Variants in FRMD5 observed in about 807,000 individuals in gnomAD.
FRMD5 encodes FERM domain containing 5, also known as FERM domain-containing protein 5.
FRMD5 carries 20 observed loss-of-function variants against 69.0 expected under a neutral mutation model. The ratio of observed to expected loss-of-function variants is 0.29; its 90% CI spans 0.20 to 0.42. The LOEUF (loss-of-function observed/expected upper bound fraction) is 0.42, where lower values mean the gene tolerates loss of function less well. Among genes scored for constraint, FRMD5 ranks in the 10% least tolerant of loss-of-function variants. The pLI, the probability that FRMD5 is intolerant of heterozygous loss-of-function variation, is 1.00. For synonymous variants in FRMD5, 271 were observed against 260.1 expected (o/e 1.04, Z -0.40); for missense variants, 595 against 708.6 (o/e 0.84, Z 1.82).
chr15:44,149,899 A>G (rs1421229044), intron 1 of FRMD5, among the ~76,000 whole-genome samples: 1 of 152,188 alleles, frequency 6.6e-6, no homozygotes. Context: ...AAATTGATGC[A>G]AAAATCCTCA....
At chr15:44,022,209 T>C (rs761956331) in intron 1 of FRMD5, among the ~76,000 whole-genome samples, 2 of 152,150 alleles carry the variant, frequency 1.3e-5, no homozygotes, top group Admixed American at 6.5e-5. Context: ...TGACCATGTG[T>C]ATGTACTTTA....
intron 1 of FRMD5, among the ~76,000 whole-genome samples, chr15:43,975,100 T>C (rs1595578184): frequency 1.3e-5 from 2 of 152,198 alleles, no homozygotes; most frequent in Admixed American, 6.5e-5. Flanking sequence ...CAGATTAGCT[T>C]AGCAAAAAGA....
At chr15:43,979,933 C>G (rs532078152) in intron 1 of FRMD5, among the ~76,000 whole-genome samples, 100 of 152,220 alleles carry the variant, frequency 6.6e-4, no homozygotes, top group African/African-American at 2.4e-3. Flanking sequence ...AAGAACAAAA[C>G]CAACTCTAAT....
In FRMD5 at chr15:44,195,020, C is replaced by T. The variant is rs777598897; in HGVS notation, c.35G>A (p.Ser12Asn). 2 of 1,557,176 alleles carry T rather than the reference C, an allele frequency of 1.3e-6. No homozygotes were observed. The highest frequency in any genetic ancestry group is 2.3e-5 in the South Asian group (2 of 85,378). ...LSRLMSGSSR[S>N]LEREYSCTVR... ...GGTGCAGCTGTACTCGCGCTCCAGGCTCCTGCTGCTGCCGCTCATCAACCT... is the reference window on the plus strand; with the variant it reads ...GGTGCAGCTGTACTCGCGCTCCAGGTTCCTGCTGCTGCCGCTCATCAACCT... The change falls in exon 1 of 14, where the codon AGC (serine) becomes AAC (asparagine). Residue 12 changes from serine to asparagine, a missense_variant. Physicochemically the swap from Ser to Asn is conservative, Grantham distance 46. Around this residue, in one of 5 missense-constraint regions of FRMD5, gnomAD observed 44 missense variants for 33.6 expected, o/e 1.31. Coordinates refer to ENST00000417257, the MANE Select transcript of FRMD5 (RefSeq NM_032892.5).
chr15:43,992,258 T>A (rs1181152848), intron 1 of FRMD5, among the ~76,000 whole-genome samples: 1 of 152,194 alleles, frequency 6.6e-6, no homozygotes, highest in Non-Finnish European at 1.5e-5. Context: ...GAGAATTGTC[T>A]CTATAGCAAA....
chr15:43,961,997 G>A (rs1434029674), intron 1 of FRMD5, among the ~76,000 whole-genome samples: 1 of 152,170 alleles, frequency 6.6e-6, no homozygotes, highest in Non-Finnish European at 1.5e-5. Flanking sequence ...ACTGGCATAA[G>A]ACAGGGATGC....
At chr15:43,986,989 G>C (rs1007659468) in intron 1 of FRMD5, among the ~76,000 whole-genome samples, 1 of 151,858 alleles carries the variant, frequency 6.6e-6, no homozygotes, top group African/African-American at 2.4e-5. Context: ...TGTTACTATT[G>C]CAATTGTTTT....
intron 1 of FRMD5, among the ~76,000 whole-genome samples, chr15:44,152,291 C>T (rs1318608604): frequency 6.6e-6 from 1 of 152,140 alleles, no homozygotes; most frequent in Non-Finnish European, 1.5e-5. Context: ...TTGTGTCTCC[C>T]TTCTTTTGCT....
chr15:44,013,955 C>A (rs1356494609), intron 1 of FRMD5, among the ~76,000 whole-genome samples: 2 of 149,608 alleles, frequency 1.3e-5, no homozygotes, highest in Non-Finnish European at 3.0e-5. Flanking sequence ...CCCCTGGGTT[C>A]ACACCATTCT....
At chr15:44,084,817 G>C (rs952831971) in intron 1 of FRMD5, among the ~76,000 whole-genome samples, 7 of 152,092 alleles carry the variant, frequency 4.6e-5, no homozygotes, top group African/African-American at 1.7e-4. Flanking sequence ...TATATCTCTA[G>C]TGAAAAACTG....
At chr15:44,038,507 T>C (rs1471297076) in intron 1 of FRMD5, among the ~76,000 whole-genome samples, 2 of 116,652 alleles carry the variant, frequency 1.7e-5, no homozygotes, top group African/African-American at 3.0e-5. Context: ...TTTCTGCATA[T>C]GGCTAGCCAG....
At chr15:44,104,379 T>C (rs923394299) in intron 1 of FRMD5, among the ~76,000 whole-genome samples, 3 of 152,168 alleles carry the variant, frequency 2.0e-5, no homozygotes, top group African/African-American at 7.2e-5. Flanking sequence ...TTTACATAAA[T>C]TTAGTGTAGC....
intron 1 of FRMD5, among the ~76,000 whole-genome samples, chr15:44,042,574 T>G (rs1471750246): frequency 1.3e-5 from 2 of 152,180 alleles, no homozygotes; most frequent in Non-Finnish European, 2.9e-5. Flanking sequence ...AAAAAGCTTA[T>G]CCACCACGAT....
intron 1 of FRMD5, among the ~76,000 whole-genome samples, chr15:43,951,961 ATGTGTGTGTGTGTGTGTGTTGTGTGTG>A (rs1327153631): frequency 2.9e-4 from 32 of 111,748 alleles, no homozygotes; most frequent in Admixed American, 5.7e-4. Flanking sequence ...CTGTATGTGC[ATGTGTGTGTGTGTGTGTGTTGTGTGTG>A]TGTGTGTGTG....
rs867688655 is a variant in FRMD5 at position 43,909,277 on chromosome 15, G to A, written c.427+605C>T. ...TAGCTGGGCATGGTGGTGGGCGCCC[G>A]CAGTCCCAGCTACTCAGGAGGCTGA... On this transcript the variant is annotated intron_variant, in intron 5 of 13. Coordinates refer to ENST00000417257, the MANE Select transcript of FRMD5 (RefSeq NM_032892.5). Among the ~76,000 whole-genome samples, 20 of 151,768 alleles carry A rather than the reference G, an allele frequency of 1.3e-4. 1 individual carries two copies. Among genetic ancestry groups the A allele is most frequent in the South Asian group, 8.4e-4 (4 of 4,774 alleles).
At chr15:44,030,610 T>C (rs73406760) in intron 1 of FRMD5, among the ~76,000 whole-genome samples, 8,108 of 152,210 alleles carry the variant, frequency 0.053, 731 homozygotes, top group African/African-American at 0.19. Flanking sequence ...TATGTTTCCC[T>C]TTCTGAGTCT....
intron 1 of FRMD5, among the ~76,000 whole-genome samples, chr15:44,088,074 G>C (rs1045401677): frequency 6.6e-6 from 1 of 152,122 alleles, no homozygotes; most frequent in African/African-American, 2.4e-5. Flanking sequence ...AGAGAGGAAA[G>C]ATATAGGTCC....
chr15:43,877,892 CTATT>C (rs1197767654), intron 13 of FRMD5, among the ~76,000 whole-genome samples: 1 of 152,220 alleles, frequency 6.6e-6, no homozygotes, highest in African/African-American at 2.4e-5. Context: ...CTGATCATAT[CTATT>C]AAGTCCTCAT....
intron 1 of FRMD5, among the ~76,000 whole-genome samples, chr15:44,072,009 G>A (rs1893560549): frequency 6.6e-6 from 1 of 152,026 alleles, no homozygotes; most frequent in Non-Finnish European, 1.5e-5. Flanking sequence ...GGGATTACAG[G>A]CGCCCACCAC....
Sources: allele counts gnomAD v4.1 joint callset (sites outside exome capture counted in the v4.1 genomes callset), GRCh38; gene constraint gnomAD v4.1.1; regional missense constraint gnomAD v4.1.1; transcripts MANE v1.5; gene names NCBI Gene and HGNC (gene_info 2026-07-23, HGNC 2026-07-21).